The following SIPA1L2 variants were observed in gnomAD, a reference collection of about 807,000 sequenced individuals.
SIPA1L2 encodes signal-induced proliferation-associated 1-like protein 2.
A neutral mutation model predicts 163.9 loss-of-function variants in SIPA1L2; 56 were observed. The ratio of observed to expected loss-of-function variants is 0.34; its 90% CI spans 0.28 to 0.43. The LOEUF is 0.43. SIPA1L2 is among the 20% of genes least tolerant of loss of function. The probability of loss-of-function intolerance (pLI) is 1.00; values close to 1 mark genes in which losing one functional copy is unlikely to be tolerated. For synonymous variants in SIPA1L2, 877 were observed against 865.7 expected (o/e 1.01, Z -0.23); for missense variants, 1,974 against 2,193.5 (o/e 0.90, Z 2.00).
At chr1:232,458,279 A>C (rs865985195) in intron 10 of SIPA1L2, among the ~76,000 whole-genome samples, 6 of 152,262 alleles carry the variant, frequency 3.9e-5, no homozygotes, top group Non-Finnish European at 5.9e-5. Flanking sequence ...CATTTAAAAC[A>C]AAGAATTAAT....
chr1:232,608,901 T>C (rs1662102041), intron 1 of SIPA1L2, among the ~76,000 whole-genome samples: 1 of 152,008 alleles, frequency 6.6e-6, no homozygotes, highest in African/African-American at 2.4e-5. Context: ...GTTCACAATC[T>C]AGCTACTTAC....
At chr1:232,554,598 G>A (rs899749390) in intron 2 of SIPA1L2, among the ~76,000 whole-genome samples, 17 of 152,158 alleles carry the variant, frequency 1.1e-4, no homozygotes, top group African/African-American at 3.9e-4. Flanking sequence ...AGAATGAAAC[G>A]ACGACTTATT....
Position 232,398,960 on chromosome 1 carries a change from C to T in SIPA1L2, c.*167G>A, listed in dbSNP as rs886839983. The T allele has an allele frequency of 1.6e-5, 14 of 862,996 alleles. No individual in the cohort carries two copies. Among genetic ancestry groups the T allele is most frequent in the Admixed American group, 5.5e-5 (2 of 36,128 alleles). 53.5% of individuals were successfully genotyped at this position (862,996 alleles called of 1,614,324 possible). A position where few individuals can be genotyped will look rare whatever the true frequency, so the allele number is the denominator to read the frequency against. On this transcript the variant is annotated 3_prime_UTR_variant, in exon 23 of 23. Transcript: ENST00000674635. Reference sequence around the variant, plus strand: ...CGGCGCTGCTCTCTGCCGTGGTTACCGAGAAAGAGTCGAGGCTCCCTATCC... The same window carrying T: ...CGGCGCTGCTCTCTGCCGTGGTTACTGAGAAAGAGTCGAGGCTCCCTATCC...
intron 9 of SIPA1L2, chr1:232,462,520 A>AT (rs1664294165): frequency 1.8e-6 from 1 of 556,768 alleles, no homozygotes; most frequent in Non-Finnish European, 2.9e-6. Context: ...CCAGACAGGC[A>AT]TGACAGTTCA....
chr1:232,520,497 C>T (rs904190135), intron 2 of SIPA1L2, among the ~76,000 whole-genome samples: 1 of 152,228 alleles, frequency 6.6e-6, no homozygotes, highest in South Asian at 2.1e-4. Context: ...TGTTTTTCGA[C>T]GTTTTCCATG....
intron 1 of SIPA1L2, among the ~76,000 whole-genome samples, chr1:232,586,745 CACTACCTAGTTACAATGCGAA>C (rs1427392546): frequency 6.6e-6 from 1 of 152,234 alleles, no homozygotes; most frequent in African/African-American, 2.4e-5. Context: ...CAAACATCAT[CACTACCTAGTTACAATGCGAA>C]ACTGCTGGGA....
chr1:232,532,217 T>C (rs762855687), intron 2 of SIPA1L2, among the ~76,000 whole-genome samples: 4 of 152,232 alleles, frequency 2.6e-5, no homozygotes, highest in South Asian at 2.1e-4. Flanking sequence ...GGTGGGAGGA[T>C]TGAACTGGCA....
intron 6 of SIPA1L2, among the ~76,000 whole-genome samples, chr1:232,480,586 T>G (rs1259225445): frequency 6.6e-6 from 1 of 152,170 alleles, no homozygotes; most frequent in African/African-American, 2.4e-5. Flanking sequence ...TATAAAATAG[T>G]TAAGTAATTT....
chr1:232,597,235 A>C (rs77702793), intron 1 of SIPA1L2, among the ~76,000 whole-genome samples: 2,251 of 152,182 alleles, frequency 0.015, 52 homozygotes, highest in African/African-American at 0.051. Flanking sequence ...TCAATACCCC[A>C]CACACACAGG....
chr1:232,428,676 T>C (rs1572883249), intron 16 of SIPA1L2, 112 bp from the exon 17 acceptor site: 1 of 734,648 alleles, frequency 1.4e-6, no homozygotes, highest in East Asian at 3.1e-5. Context: ...CAAACACTTC[T>C]TAGGTCTTAA....
At chr1:232,423,468 C>G (rs1451743922) in intron 18 of SIPA1L2, among the ~76,000 whole-genome samples, 1 of 152,210 alleles carries the variant, frequency 6.6e-6, no homozygotes, top group African/African-American at 2.4e-5. Flanking sequence ...ATACAAATTA[C>G]CTCCAGTTTT....
At chr1:232,613,957 G>A (rs1662378812) in intron 1 of SIPA1L2, among the ~76,000 whole-genome samples, 1 of 152,102 alleles carries the variant, frequency 6.6e-6, no homozygotes, top group African/African-American at 2.4e-5. Flanking sequence ...TAGCAGGAGG[G>A]CATTGTGCAG....
At chr1:232,480,161 G>A (rs1665264167) in intron 6 of SIPA1L2, among the ~76,000 whole-genome samples, 1 of 126,846 alleles carries the variant, frequency 7.9e-6, no homozygotes, top group Non-Finnish European at 1.6e-5. Flanking sequence ...GTGCGTGTGT[G>A]TGTGTGTGTG....
At chr1:232,475,326 C>T (rs569631774) in intron 7 of SIPA1L2, among the ~76,000 whole-genome samples, 25 of 152,322 alleles carry the variant, frequency 1.6e-4, no homozygotes, top group African/African-American at 5.8e-4. Flanking sequence ...AGCTCCTCCC[C>T]TTCACCCAGA....
chr1:232,553,889 A>G lies in SIPA1L2; in HGVS notation c.-270+20285T>C, dbSNP rs187836738. On this transcript the variant is annotated intron_variant, in intron 2 of 22. Transcript: ENST00000674635. ...ACAAAAACTTTCTCATAAAGAACAT[A>G]AAAGCCATCAACACAATGAAAATTC... is the stretch of plus-strand genomic sequence containing the variant. 6.5e-3 allele frequency among the ~76,000 whole-genome samples: 984 copies of G among 152,320 alleles called. 20 individuals carry two copies. The highest frequency in any genetic ancestry group is 0.028 in the Admixed American group (423 of 15,304).
Position 232,445,565 on chromosome 1 carries a change from C to T in SIPA1L2, c.3317G>A (p.Ser1106Asn). The change falls in exon 11 of 23, where the codon AGC becomes AAC. Residue 1106 changes from serine to asparagine, a missense_variant. Physicochemically the swap from Ser to Asn is conservative, Grantham distance 46. Coordinates refer to ENST00000674635, the MANE Select transcript of SIPA1L2 (RefSeq NM_020808.5). The stretch of plus-strand genomic sequence containing the variant: ...GGGCAGCTTCCGGTCGAAGGAGGTG[C>T]TTCGAGGAATGGCAGCCTGGGCCTG... ...LQQAQAAIPR[S>N]TSFDRKLPDG... The T allele has an allele frequency of 6.2e-7, 1 of 1,614,016 alleles. No homozygotes were observed. Among genetic ancestry groups the T allele is most frequent in the East Asian group, 2.2e-5 (1 of 44,880 alleles).
At chr1:232,474,279 G>A (rs1056054562) in intron 7 of SIPA1L2, among the ~76,000 whole-genome samples, 1 of 152,128 alleles carries the variant, frequency 6.6e-6, no homozygotes, top group Non-Finnish European at 1.5e-5. Context: ...AATAAATATT[G>A]TATTAGATAG....
chr1:232,432,183 C>A, intron 16 of SIPA1L2, 64 bp downstream of exon 16: 2 of 1,309,870 alleles, frequency 1.5e-6, no homozygotes, highest in Non-Finnish European at 2.1e-6. Context: ...GAGGAAAATA[C>A]ATTTGCTTAG....
At chr1:232,546,257 T>C (rs1658025360) in intron 2 of SIPA1L2, among the ~76,000 whole-genome samples, 1 of 152,186 alleles carries the variant, frequency 6.6e-6, no homozygotes, top group Non-Finnish European at 1.5e-5. Context: ...TCTTCTCTTC[T>C]CTAGATAAAG....
Sources: gnomAD v4.1 joint callset for allele counts (sites outside exome capture counted in the v4.1 genomes callset) on GRCh38, gnomAD v4.1.1 for gene constraint, MANE v1.5 for transcripts, NCBI Gene and HGNC (gene_info 2026-07-23, HGNC 2026-07-21) for gene names.